The following IL1R2 variants were observed in gnomAD, a reference collection of about 807,000 sequenced individuals.
IL1R2 encodes the protein interleukin-1 receptor type 2.
A neutral mutation model predicts 39.5 loss-of-function variants in IL1R2; 46 were observed. The observed-to-expected ratio is 1.16, with a 90% CI of 0.92 to 1.49. The LOEUF (loss-of-function observed/expected upper bound fraction) is 1.49. Ranked by LOEUF, IL1R2 falls within the 40% of genes most tolerant of loss-of-function variation. IL1R2 has a pLI of 0.00. For synonymous variants in IL1R2, 207 were observed against 189.6 expected, an observed-to-expected ratio of 1.09 and a Z score of -0.75; for missense variants, 537 against 502.0, an observed-to-expected ratio of 1.07 and a Z score of -0.67.
chr2:101,998,276 G>A (rs565440762), intron 1 of IL1R2, among the ~76,000 whole-genome samples: 23 of 152,276 alleles, frequency 1.5e-4, no homozygotes, highest in South Asian at 8.3e-4. Flanking sequence ...TGGTGTCTGC[G>A]CTTAAAATCC....
chr2:102,019,892 A>T, intron 5 of IL1R2, 80 bp downstream of exon 5: 1 of 1,227,174 alleles, frequency 8.1e-7, no homozygotes, highest in Non-Finnish European at 1.2e-6. Flanking sequence ...TGCACGTAGA[A>T]TTCCTTGCAG....
Position 102,009,954 on chromosome 2 carries a change from C to T in IL1R2, c.332+128C>T, listed in dbSNP as rs28385677. 4,639 of 1,112,060 alleles carry T rather than the reference C, an allele frequency of 4.2e-3. 12 individuals are homozygous for T. The highest frequency in any genetic ancestry group is 5.6e-3 in the Non-Finnish European group (4,319 of 773,718). 68.9% of individuals were successfully genotyped at this position (1,112,060 alleles called of 1,614,324 possible). A position where few individuals can be genotyped will look rare whatever the true frequency, so the allele number is the denominator to read the frequency against. ...CAAATCCAGTGAATCCACATTGCAT[C>T]CCGTTTGCTGTTCCTGACACCCCCC... On this transcript the variant is annotated intron_variant, in intron 3 of 8. Transcript: ENST00000332549.
chr2:102,011,470 A>C (rs1185974927), intron 3 of IL1R2, among the ~76,000 whole-genome samples: 1 of 152,206 alleles, frequency 6.6e-6, no homozygotes, highest in African/African-American at 2.4e-5. Flanking sequence ...TTTGATTTCC[A>C]CGTTCCTAAT....
chr2:101,996,530 G>A (rs1042480171), intron 1 of IL1R2, among the ~76,000 whole-genome samples: 1 of 83,062 alleles, frequency 1.2e-5, no homozygotes, highest in African/African-American at 4.9e-5. Context: ...CTGACTTCTT[G>A]TTACTTGGAC....
chr2:102,013,555 AAAGAAAGAAAAGAAAAGAAGGAAAAG>A (rs1676785659), intron 3 of IL1R2, among the ~76,000 whole-genome samples: 6 of 99,870 alleles, frequency 6.0e-5, no homozygotes, highest in Admixed American at 2.0e-4. Flanking sequence ...AAAAAAAAGG[AAAGAAAGAAAAGAAAAGAAGGAAAAG>A]AAAAAGAAAA....
chr2:101,994,820 G>T (rs1468992250), intron 1 of IL1R2, among the ~76,000 whole-genome samples: 1 of 152,234 alleles, frequency 6.6e-6, no homozygotes, highest in Non-Finnish European at 1.5e-5. Context: ...GCCGGTCCAT[G>T]GACCACACTT....
In IL1R2 at chr2:102,028,517, G is replaced by T; in HGVS notation, c.*125G>T. 2 of 777,982 alleles carry T rather than the reference G, an allele frequency of 2.6e-6. No individual in the cohort carries two copies. Among genetic ancestry groups the T allele is most frequent in the Admixed American group, 3.5e-5 (1 of 28,944 alleles). The allele number at this position is 777,982 out of a possible 1,614,324, so 48.2% of individuals were successfully genotyped here. ...CTACCAAAGGTGCCACATTTATAGT[G>T]GCTTTGTAGTAAAGGACTAAAGTCT... On this transcript the variant is annotated 3_prime_UTR_variant, in exon 9 of 9. Coordinates refer to ENST00000332549, the MANE Select transcript of IL1R2 (RefSeq NM_004633.4).
chr2:102,000,936 G>T (rs907819293), intron 1 of IL1R2, among the ~76,000 whole-genome samples: 5 of 152,230 alleles, frequency 3.3e-5, no homozygotes. Context: ...AGAATTTGAA[G>T]CCTGTGGGTT....
At chr2:102,001,509 C>T (rs1009415264) in intron 1 of IL1R2, among the ~76,000 whole-genome samples, 1 of 152,188 alleles carries the variant, frequency 6.6e-6, no homozygotes, top group African/African-American at 2.4e-5. Context: ...CACAGCTATG[C>T]AGACCAGGAA....
At chr2:102,010,454 T>C (rs891838094) in intron 3 of IL1R2, among the ~76,000 whole-genome samples, 4 of 151,894 alleles carry the variant, frequency 2.6e-5, no homozygotes, top group Admixed American at 2.6e-4. Flanking sequence ...CGGGCGCCTG[T>C]AGTCCCAGCT....
chr2:102,011,719 T>C (rs543471651), intron 3 of IL1R2, among the ~76,000 whole-genome samples: 22 of 152,340 alleles, frequency 1.4e-4, no homozygotes, highest in African/African-American at 5.1e-4. Flanking sequence ...TTCATTCTGT[T>C]CATAGTGTCA....
intron 3 of IL1R2, among the ~76,000 whole-genome samples, chr2:102,010,356 G>A (rs926257967): frequency 6.6e-6 from 1 of 152,076 alleles, no homozygotes; most frequent in African/African-American, 2.4e-5. Context: ...GGTGGATCAC[G>A]AGGTCAGGAG....
chr2:102,026,191 AT>A lies in IL1R2; in HGVS notation c.972del (p.Phe324LeufsTer9), dbSNP rs1361027365. The A allele has an allele frequency of 2.5e-6, 4 of 1,613,268 alleles. No individual in the cohort carries two copies. The highest frequency in any genetic ancestry group is 2.5e-6 in the Non-Finnish European group (3 of 1,179,246). On this transcript the variant is annotated frameshift_variant, in exon 8 of 9. Transcript: ENST00000332549. LOFTEE classifies it high-confidence loss of function. ...DPVTREDLHM[D>X]FKCVVHNTLS... ...GTCACAAGAGAGGATTTGCACATGG[AT>A]TTTAAATGTGTTGTCCATAATACCC...
At chr2:102,010,331 T>G (rs539219253) in intron 3 of IL1R2, 1 of 154,340 alleles carries the variant, frequency 6.5e-6, no homozygotes, top group Non-Finnish European at 1.4e-5. Context: ...TCCAACACTT[T>G]GGGCGGCCGA....
chr2:102,005,710 C>T (rs998644978), intron 1 of IL1R2, among the ~76,000 whole-genome samples: 1 of 152,246 alleles, frequency 6.6e-6, no homozygotes, highest in African/African-American at 2.4e-5. Context: ...CATTTTGTCA[C>T]ATGGCCACTC....
chr2:102,004,122 G>A (rs545290784), intron 1 of IL1R2, among the ~76,000 whole-genome samples: 1 of 152,308 alleles, frequency 6.6e-6, no homozygotes, highest in East Asian at 1.9e-4. Flanking sequence ...TGTTAACAAT[G>A]GCGAATCTAC....
At chr2:102,025,960 G>C in intron 7 of IL1R2, 151 bp from the exon 8 acceptor site, 1 of 610,878 alleles carries the variant, frequency 1.6e-6, no homozygotes, top group Non-Finnish European at 2.8e-6. Flanking sequence ...TGAATCACAA[G>C]TATGGTGGCA....
chr2:102,004,222 C>T (rs914739582), intron 1 of IL1R2, among the ~76,000 whole-genome samples: 1 of 152,098 alleles, frequency 6.6e-6, no homozygotes, highest in South Asian at 2.1e-4. Flanking sequence ...GTGGAGTAAG[C>T]ACTTACATCC....
intron 1 of IL1R2, among the ~76,000 whole-genome samples, chr2:101,997,261 C>T (rs28600315): frequency 0.099 from 15,011 of 152,260 alleles, 994 homozygotes; most frequent in South Asian, 0.27. Flanking sequence ...GAGGTCACCC[C>T]GCTGTGCCTC....
Sources: allele counts gnomAD v4.1 joint callset (sites outside exome capture counted in the v4.1 genomes callset), GRCh38; gene constraint gnomAD v4.1.1; transcripts MANE v1.5; gene names NCBI Gene and HGNC (gene_info 2026-07-23, HGNC 2026-07-21).